The following GPHN variants were observed in gnomAD, a reference collection of about 807,000 sequenced individuals.
The protein encoded by GPHN is gephyrin.
GPHN carries 17 observed loss-of-function variants against 95.5 expected under a neutral mutation model. The ratio of observed to expected loss-of-function variants is 0.18; its 90% confidence interval spans 0.12 to 0.27. The LOEUF is 0.27. Ranked by LOEUF, GPHN falls within the 10% of genes least tolerant of loss-of-function variation. The pLI is 1.00. For missense variants in GPHN, 660 were observed against 978.1 expected, an observed-to-expected ratio of 0.67 and a Z score of 4.34; for synonymous variants, 320 against 322.5, an observed-to-expected ratio of 0.99 and a Z score of 0.08.
At chr14:66,793,572 C>T (rs997882540) in intron 3 of GPHN, among the ~76,000 whole-genome samples, 2 of 151,906 alleles carry the variant, frequency 1.3e-5, no homozygotes, top group African/African-American at 4.8e-5. Context: ...TGTCTGTATA[C>T]ATATATGTGC....
At chr14:66,528,683 G>A (rs182028019) in intron 1 of GPHN, among the ~76,000 whole-genome samples, 10 of 152,056 alleles carry the variant, frequency 6.6e-5, no homozygotes, top group African/African-American at 9.7e-5. Context: ...CAGCATTTGC[G>A]TGTCTGTAAA....
chr14:67,669,519 A>T, the GPHN span, among the ~76,000 whole-genome samples: 3 of 151,466 alleles, frequency 2.0e-5, no homozygotes, highest in African/African-American at 7.3e-5. Flanking sequence ...CTCCTGCCTC[A>T]GCCTCCCAAA....
At chr14:67,126,455 T>C (rs1225475048) in intron 17 of GPHN, among the ~76,000 whole-genome samples, 1 of 152,148 alleles carries the variant, frequency 6.6e-6, no homozygotes, top group Non-Finnish European at 1.5e-5. Flanking sequence ...AGGATTTAGA[T>C]AGGAAAAGAG....
chr14:67,583,634 C>T, the GPHN span: 1 of 777,922 alleles, frequency 1.3e-6, no homozygotes. Flanking sequence ...CACTCGCACC[C>T]CACCAATAGG....
At chr14:67,223,058 G>A in the GPHN span, among the ~76,000 whole-genome samples, 3 of 143,632 alleles carry the variant, frequency 2.1e-5, no homozygotes, top group East Asian at 6.3e-4. Context: ...AGAGTGCAGT[G>A]GCACAATCTT....
the GPHN span, chr14:67,650,278 T>G: frequency 4.5e-6 from 1 of 220,630 alleles, no homozygotes; most frequent in Admixed American, 5.2e-5. Context: ...GGGAATGCAG[T>G]TTGGCTAGTG....
chr14:66,647,291 CAT>C (rs1339344956), intron 1 of GPHN, among the ~76,000 whole-genome samples: 2 of 149,478 alleles, frequency 1.3e-5, no homozygotes. Flanking sequence ...CCTTTAAAGT[CAT>C]CTAGTGTGCT....
At chr14:67,474,862 G>A in the GPHN span, among the ~76,000 whole-genome samples, 4 of 151,258 alleles carry the variant, frequency 2.6e-5, no homozygotes, top group Non-Finnish European at 5.9e-5. Context: ...CTTTCACTTA[G>A]CCTAATGTCT....
At chr14:67,245,351 T>C in the GPHN span, among the ~76,000 whole-genome samples, 1 of 152,212 alleles carries the variant, frequency 6.6e-6, no homozygotes, top group East Asian at 1.9e-4. Context: ...ATTTTAGTAG[T>C]ATCTCGTTGG....
chr14:66,929,757 G>A (rs1425834727), intron 8 of GPHN, among the ~76,000 whole-genome samples: 1 of 151,018 alleles, frequency 6.6e-6, no homozygotes, highest in Non-Finnish European at 1.5e-5. Flanking sequence ...TTTCGCCCAG[G>A]CCGGACTGCA....
At chr14:66,912,013 C>T (rs1212503939) in intron 5 of GPHN, among the ~76,000 whole-genome samples, 3 of 152,068 alleles carry the variant, frequency 2.0e-5, no homozygotes, top group African/African-American at 7.2e-5. Context: ...TTCTACTTTG[C>T]AGCCAGAAAT....
At chr14:66,922,285 T>G (rs2066263749) in intron 6 of GPHN, among the ~76,000 whole-genome samples, 1 of 147,736 alleles carries the variant, frequency 6.8e-6, no homozygotes, top group Non-Finnish European at 1.5e-5. Context: ...TTTTTTTTTT[T>G]GTCACTGTAA....
intron 2 of GPHN, among the ~76,000 whole-genome samples, chr14:66,735,550 T>C (rs2072186017): frequency 6.6e-6 from 1 of 152,292 alleles, no homozygotes; most frequent in African/African-American, 2.4e-5. Context: ...TACTAATTTG[T>C]TAGGATATAA....
At chr14:66,516,570 G>A (rs1030549424) in intron 1 of GPHN, among the ~76,000 whole-genome samples, 3 of 152,126 alleles carry the variant, frequency 2.0e-5, no homozygotes, top group African/African-American at 7.2e-5. Context: ...CAGAAAATGA[G>A]TGGATATTAC....
At chr14:67,696,430 C>T in the GPHN span, among the ~76,000 whole-genome samples, 4 of 152,176 alleles carry the variant, frequency 2.6e-5, no homozygotes, top group Non-Finnish European at 1.5e-5. Flanking sequence ...TCGAGGATTC[C>T]TTTTTCCAGA....
the GPHN span, chr14:67,575,913 A>G: frequency 6.2e-7 from 1 of 1,613,856 alleles, no homozygotes. Context: ...GGCTGGAGGA[A>G]CCAGACGGTT....
intron 1 of GPHN, among the ~76,000 whole-genome samples, chr14:66,542,420 C>A (rs1266943331): frequency 1.3e-5 from 2 of 152,186 alleles, no homozygotes; most frequent in African/African-American, 2.4e-5. Context: ...AAAATTGAAG[C>A]CATCAGAACA....
chr14:67,262,495 A>G, the GPHN span, among the ~76,000 whole-genome samples: 2 of 152,244 alleles, frequency 1.3e-5, no homozygotes, highest in Admixed American at 1.3e-4. Context: ...CTGTGAAATC[A>G]TTCTTTATAA....
At chr14:66,932,293 C>CTTGTGGCACTCTTGTGACCCA (rs2066843102) in intron 8 of GPHN, among the ~76,000 whole-genome samples, 1 of 151,910 alleles carries the variant, frequency 6.6e-6, no homozygotes. Flanking sequence ...TTGTGGCCAC[C>CTTGTGGCACTCTTGTGACCCA]ACCACTGGTA....
Sources: gnomAD v4.1 joint callset for allele counts (sites outside exome capture counted in the v4.1 genomes callset) on GRCh38, gnomAD v4.1.1 for gene constraint, MANE v1.5 for transcripts, NCBI Gene and HGNC (gene_info 2026-07-23, HGNC 2026-07-21) for gene names.